Variants in MRE11 observed in about 807,000 individuals in gnomAD.
MRE11 encodes the protein double-strand break repair protein MRE11.
In MRE11, 62 loss-of-function variants were observed where a neutral mutation model predicts 91.7. That is an observed-to-expected ratio of 0.68 (90% CI 0.55 to 0.84). The LOEUF (loss-of-function observed/expected upper bound fraction) is 0.84. Among genes scored for constraint, MRE11 ranks in the 40% least tolerant of loss-of-function variants. The pLI is 0.00. For synonymous variants in MRE11, 273 were observed against 271.4 expected (o/e 1.01, Z -0.06); for missense variants, 796 against 852.9 (o/e 0.93, Z 0.83).
intron 3 of MRE11, among the ~76,000 whole-genome samples, chr11:94,487,560 T>G (rs1458552822): frequency 6.6e-6 from 1 of 152,196 alleles, no homozygotes; most frequent in African/African-American, 2.4e-5. Flanking sequence ...AAATGCAATA[T>G]GTAAACCTGG....
chr11:94,432,305 G>T (rs1249983564), intron 18 of MRE11, among the ~76,000 whole-genome samples: 1 of 152,146 alleles, frequency 6.6e-6, no homozygotes, highest in Non-Finnish European at 1.5e-5. Flanking sequence ...GGCCAGTACG[G>T]CCTTCTGCAA....
At chr11:94,491,073 A>G in intron 2 of MRE11, 108 bp from the exon 3 acceptor site, 2 of 762,616 alleles carry the variant, frequency 2.6e-6, no homozygotes, top group Non-Finnish European at 4.2e-6. Context: ...ATAGAGTAAA[A>G]TCATTTTTTT....
intron 7 of MRE11, chr11:94,475,440 G>A (rs1946827316): frequency 2.8e-6 from 1 of 358,408 alleles, no homozygotes; most frequent in South Asian, 2.2e-5. Context: ...AGGGACAACT[G>A]TAATAAATTA....
intron 19 of MRE11, among the ~76,000 whole-genome samples, chr11:94,420,530 G>T (rs1289934947): frequency 6.6e-6 from 1 of 152,030 alleles, no homozygotes; most frequent in Non-Finnish European, 1.5e-5. Context: ...TTTTATTACA[G>T]TTGTATCTAC....
intron 3 of MRE11, among the ~76,000 whole-genome samples, chr11:94,489,302 G>T (rs922057208): frequency 4.0e-5 from 6 of 151,792 alleles, no homozygotes; most frequent in Non-Finnish European, 1.5e-5. Context: ...AAGGGCCTCA[G>T]AGTAGAACAT....
At position 94,419,465 on chromosome 11, in the gene MRE11, GGA is replaced by G. The variant is rs201800515; in HGVS notation, c.*658_*659del. ...GAAGAGTGGGGAACGGGGGGGAGAGGGAGAGAGAGAGAGAGAGAGAGAGAGAG... is the reference window on the plus strand; with the variant it reads ...GAAGAGTGGGGAACGGGGGGGAGAGGGAGAGAGAGAGAGAGAGAGAGAGAG... On this transcript the variant is annotated 3_prime_UTR_variant, in exon 20 of 20. Transcript: ENST00000323929. 5,632 of 206,004 alleles carry G rather than the reference GGA, an allele frequency of 0.027. 1 individual carries two copies. Among genetic ancestry groups the G allele is most frequent in the Middle Eastern group, 0.054 (35 of 650 alleles). The allele number at this position is 206,004 out of a possible 1,614,324, so 12.8% of individuals were successfully genotyped here.
At chr11:94,466,528 T>C (rs779251769) in intron 10 of MRE11, 1 of 529,684 alleles carries the variant, frequency 1.9e-6, no homozygotes, top group Non-Finnish European at 3.9e-6. Context: ...ACTGCAGTTT[T>C]TGCCATTACT....
rs895801877 is a variant in MRE11, at chr11:94,419,872, G to T, written c.*253C>A. The T allele has an allele frequency of 3.4e-6, 1 of 294,244 alleles. No homozygotes were observed. Among genetic ancestry groups the T allele is most frequent in the Non-Finnish European group, 6.4e-6 (1 of 156,888 alleles). 18.2% of individuals were successfully genotyped at this position (294,244 alleles called of 1,614,324 possible). A position where few individuals can be genotyped will look rare whatever the true frequency, so the allele number is the denominator to read the frequency against. On this transcript the variant is annotated 3_prime_UTR_variant, in exon 20 of 20. Coordinates refer to ENST00000323929, the MANE Select transcript of MRE11 (RefSeq NM_005591.4). ...AAATACTGACATAGTTTTTCATTAT[G>T]AAATAGAAATGTAAAATGGTAGCTT...
chr11:94,445,877 C>A lies in MRE11; in HGVS notation c.1800G>T (p.Glu600Asp), dbSNP rs1028566396. 1.2e-6 allele frequency: 2 copies of A among 1,613,530 alleles called. No homozygotes were observed. Among genetic ancestry groups the A allele is most frequent in the Admixed American group, 3.3e-5 (2 of 60,008 alleles). Reference protein sequence around the residue: ...SQRGRADTGLETSTRSRNSKT... With the variant: ...SQRGRADTGLDTSTRSRNSKT... ...TTGAGTTCCTGCTACGGGTAGAAGTCTCCAGACCAGTGTCTGCTGTTAGAA... is the reference window on the plus strand; with the variant it reads ...TTGAGTTCCTGCTACGGGTAGAAGTATCCAGACCAGTGTCTGCTGTTAGAA... Residue 600 changes from glutamate to aspartate, a missense_variant, in exon 16 of 20, where the codon GAG (glutamate) becomes GAT (aspartate). Glu to Asp is a conservative substitution (Grantham distance 45). Coordinates refer to ENST00000323929, the MANE Select transcript of MRE11 (RefSeq NM_005591.4).
Position 94,418,101 on chromosome 11 carries a change from TA to T in MRE11, c.*2023del, listed in dbSNP as rs1945074019. 4.3e-6 allele frequency: 1 copy of T among 232,918 alleles called. No homozygotes were observed. The highest frequency in any genetic ancestry group is 5.6e-5 in the Admixed American group (1 of 17,766). The allele number at this position is 232,918 out of a possible 1,614,324, so 14.4% of individuals were successfully genotyped here. On this transcript the variant is annotated 3_prime_UTR_variant, in exon 20 of 20. Coordinates refer to ENST00000323929, the MANE Select transcript of MRE11 (RefSeq NM_005591.4). The stretch of plus-strand genomic sequence containing the variant: ...CTATACCAACAGGTCTGAAAATTGT[TA>T]GAAACAAAAAACAAAACTCCCCTAA...
intron 2 of MRE11, 37 bp downstream of exon 2, chr11:94,492,745 C>T: frequency 6.2e-7 from 1 of 1,613,250 alleles, no homozygotes; most frequent in African/African-American, 1.3e-5. Flanking sequence ...CTTTAGAAAC[C>T]CCAAATAACA....
At chr11:94,504,929 A>C in the MRE11 span, among the ~76,000 whole-genome samples, 1 of 152,170 alleles carries the variant, frequency 6.6e-6, no homozygotes, top group Non-Finnish European at 1.5e-5. Flanking sequence ...GCTTGGGTAA[A>C]TGATGTATCG....
At chr11:94,490,715 T>G in intron 3 of MRE11, 118 bp downstream of exon 3, 1 of 1,181,242 alleles carries the variant, frequency 8.5e-7, no homozygotes, top group South Asian at 1.2e-5. Context: ...TATATTGATA[T>G]TCAAGCAGGC....
At chr11:94,468,989 G>T (rs1946640351) in intron 9 of MRE11, among the ~76,000 whole-genome samples, 1 of 152,016 alleles carries the variant, frequency 6.6e-6, no homozygotes, top group Non-Finnish European at 1.5e-5. Context: ...AGTAAGATAT[G>T]GGTCCTGTCC....
chr11:94,444,670 C>T (rs1398752202), intron 16 of MRE11, among the ~76,000 whole-genome samples: 26 of 152,200 alleles, frequency 1.7e-4, no homozygotes, highest in Admixed American at 1.7e-3. Flanking sequence ...TGCTGTTAAA[C>T]TCACATACCT....
intron 19 of MRE11, among the ~76,000 whole-genome samples, chr11:94,422,028 G>C (rs1457929556): frequency 1.3e-5 from 2 of 152,058 alleles, no homozygotes; most frequent in Non-Finnish European, 2.9e-5. Context: ...ATAATGGTTA[G>C]TTTTATGTTA....
At chr11:94,426,721 A>T (rs934682149) in intron 19 of MRE11, among the ~76,000 whole-genome samples, 1 of 152,198 alleles carries the variant, frequency 6.6e-6, no homozygotes, top group African/African-American at 2.4e-5. Flanking sequence ...GACAAAGATG[A>T]CATTACAATT....
chr11:94,473,970 T>G (rs1294074539), intron 7 of MRE11, among the ~76,000 whole-genome samples: 1 of 152,134 alleles, frequency 6.6e-6, no homozygotes, highest in East Asian at 1.9e-4. Context: ...TAGGGCTGGA[T>G]TAGAATCAGT....
the MRE11 span, among the ~76,000 whole-genome samples, chr11:94,503,186 C>T: frequency 6.6e-6 from 1 of 152,054 alleles, no homozygotes; most frequent in African/African-American, 2.4e-5. Context: ...TTATTCATCT[C>T]GTATAACTAA....
Sources: allele counts gnomAD v4.1 joint callset (sites outside exome capture counted in the v4.1 genomes callset), GRCh38; gene constraint gnomAD v4.1.1; transcripts MANE v1.5; gene names NCBI Gene and HGNC (gene_info 2026-07-23, HGNC 2026-07-21).